Variants in CACNA2D1 observed in about 807,000 individuals in gnomAD.
CACNA2D1 encodes calcium voltage-gated channel auxiliary subunit alpha2delta 1.
A neutral mutation model predicts 171.5 loss-of-function variants in CACNA2D1; 53 were observed. The ratio of observed to expected loss-of-function variants is 0.31; its 90% CI spans 0.25 to 0.39. The LOEUF is 0.39. Among genes scored for constraint, CACNA2D1 ranks in the 10% least tolerant of loss-of-function variants. The pLI is 1.00. For synonymous variants in CACNA2D1, 442 were observed against 443.1 expected, an observed-to-expected ratio of 1.00 and a Z score of 0.03; for missense variants, 903 against 1,299.8, an observed-to-expected ratio of 0.69 and a Z score of 4.69.
At chr7:82,411,895 T>TCTCACACACACACA (rs1554548045) in intron 1 of CACNA2D1, among the ~76,000 whole-genome samples, 93 of 144,880 alleles carry the variant, frequency 6.4e-4, no homozygotes, top group East Asian at 4.5e-3. Flanking sequence ...AAACTAAATC[T>TCTCACACACACACA]CACACACACA....
chr7:82,379,971 T>C (rs1243317459), intron 1 of CACNA2D1, among the ~76,000 whole-genome samples: 1 of 152,168 alleles, frequency 6.6e-6, no homozygotes, highest in African/African-American at 2.4e-5. Context: ...TTAGGCAATA[T>C]TTTTTACTCC....
chr7:81,970,118 G>A, intron 27 of CACNA2D1, 134 bp from the exon 28 acceptor site: 1 of 685,834 alleles, frequency 1.5e-6, no homozygotes, highest in Non-Finnish European at 2.7e-6. Flanking sequence ...GTAATTGATA[G>A]CATAACTGAT....
At chr7:82,148,003 A>T (rs1242020750) in intron 4 of CACNA2D1, among the ~76,000 whole-genome samples, 5 of 152,156 alleles carry the variant, frequency 3.3e-5, no homozygotes, top group Admixed American at 3.3e-4. Context: ...CGCCCCAGTA[A>T]AGGCCTGACA....
chr7:82,312,556 C>T (rs1287944287), intron 3 of CACNA2D1, among the ~76,000 whole-genome samples: 1 of 146,986 alleles, frequency 6.8e-6, no homozygotes, highest in Non-Finnish European at 1.5e-5. Flanking sequence ...ACTCTGTCAC[C>T]TAGGCTGGAA....
chr7:82,192,758 T>G (rs1443473998), intron 3 of CACNA2D1, among the ~76,000 whole-genome samples: 3 of 151,296 alleles, frequency 2.0e-5, no homozygotes, highest in African/African-American at 7.3e-5. Context: ...CCTTTTTTTT[T>G]TTTTCCTGAA....
chr7:82,441,707 A>C (rs1830516515), intron 1 of CACNA2D1, among the ~76,000 whole-genome samples: 2 of 152,166 alleles, frequency 1.3e-5, no homozygotes, highest in African/African-American at 4.8e-5. Flanking sequence ...CCATGATAAA[A>C]ATATTGATAA....
At chr7:82,174,753 T>C (rs1215307503) in intron 3 of CACNA2D1, among the ~76,000 whole-genome samples, 1 of 152,138 alleles carries the variant, frequency 6.6e-6, no homozygotes, top group Non-Finnish European at 1.5e-5. Flanking sequence ...AATCATATTT[T>C]AGTTGGGAAC....
chr7:82,302,286 A>G (rs1813111955), intron 3 of CACNA2D1, among the ~76,000 whole-genome samples: 1 of 152,188 alleles, frequency 6.6e-6, no homozygotes, highest in South Asian at 2.1e-4. Flanking sequence ...GGTAACCCCT[A>G]ATGTAGGCAA....
chr7:82,226,146 A>G (rs1802339646), intron 3 of CACNA2D1, among the ~76,000 whole-genome samples: 2 of 152,198 alleles, frequency 1.3e-5, no homozygotes, highest in South Asian at 2.1e-4. Flanking sequence ...GCACAGGTGA[A>G]TAACCATCTT....
chr7:82,381,910 G>T (rs1197508140), intron 1 of CACNA2D1, among the ~76,000 whole-genome samples: 1 of 151,704 alleles, frequency 6.6e-6, no homozygotes, highest in African/African-American at 2.4e-5. Flanking sequence ...CTTTTGTACA[G>T]ATTTTATTTC....
intron 3 of CACNA2D1, among the ~76,000 whole-genome samples, chr7:82,327,816 C>T (rs961493299): frequency 2.0e-5 from 3 of 152,304 alleles, no homozygotes; most frequent in South Asian, 4.1e-4. Context: ...CGATGTTCAA[C>T]ACTGACTTGT....
At chr7:82,434,719 T>C (rs904832222) in intron 1 of CACNA2D1, among the ~76,000 whole-genome samples, 3 of 152,196 alleles carry the variant, frequency 2.0e-5, no homozygotes, top group East Asian at 1.9e-4. Context: ...ACCGAATTCC[T>C]GGAAGAAACA....
intron 3 of CACNA2D1, among the ~76,000 whole-genome samples, chr7:82,322,614 G>A (rs1213937501): frequency 6.6e-6 from 1 of 151,956 alleles, no homozygotes; most frequent in African/African-American, 2.4e-5. Context: ...ATGATACCCT[G>A]TCTCAAAAAA....
chr7:82,014,930 C>T (rs767605331), intron 12 of CACNA2D1, among the ~76,000 whole-genome samples: 28 of 152,070 alleles, frequency 1.8e-4, no homozygotes, highest in Non-Finnish European at 4.0e-4. Context: ...TGGTGGGTGC[C>T]TGTAATCCCA....
Position 82,066,599 on chromosome 7 carries a change from T to C in CACNA2D1, c.659-75A>G, listed in dbSNP as rs1423315474. On this transcript the variant is annotated intron_variant, in intron 7 of 38. Coordinates refer to ENST00000356860, the MANE Select transcript of CACNA2D1 (RefSeq NM_000722.4). ...TCTAAAAATAATGAGACTTTAAAAA[T>C]CACAAAAAGCAATAGATACATAATT... 108 of 1,510,696 alleles carry C rather than the reference T, an allele frequency of 7.1e-5. No individual in the cohort carries two copies. The East Asian group carries it at 2.5e-3, about 35-fold the overall frequency. The allele number at this position is 1,510,696 out of a possible 1,614,324, so 93.6% of individuals were successfully genotyped here. A position where few individuals can be genotyped will look rare whatever the true frequency, so the allele number is the denominator to read the frequency against.
At chr7:82,200,647 A>G (rs1207436655) in intron 3 of CACNA2D1, among the ~76,000 whole-genome samples, 3 of 151,972 alleles carry the variant, frequency 2.0e-5, no homozygotes, top group Admixed American at 6.6e-5. Flanking sequence ...TGATCCTTCA[A>G]TATTTTACTC....
chr7:82,355,871 T>C (rs10282387), intron 1 of CACNA2D1, among the ~76,000 whole-genome samples: 133,301 of 151,902 alleles, frequency 0.88, 58,754 homozygotes, highest in African/African-American at 0.97. Context: ...TCCAGTTCTA[T>C]CTTAACTACC....
At chr7:82,289,040 A>G (rs754413659) in intron 3 of CACNA2D1, among the ~76,000 whole-genome samples, 1 of 152,226 alleles carries the variant, frequency 6.6e-6, no homozygotes, top group Non-Finnish European at 1.5e-5. Flanking sequence ...CATAGTGCAA[A>G]TATTTAGTTC....
chr7:82,117,181 G>T lies in CACNA2D1; in HGVS notation c.397-8C>A, dbSNP rs1331442283. 1 of 1,612,926 alleles carries T rather than the reference G, an allele frequency of 6.2e-7. No individual in the cohort carries two copies. Among genetic ancestry groups the T allele is most frequent in the African/African-American group, 1.3e-5 (1 of 74,842 alleles). On this transcript the variant is annotated splice_polypyrimidine_tract_variant and splice_region_variant and intron_variant, in intron 5 of 38. Coordinates refer to ENST00000356860, the MANE Select transcript of CACNA2D1 (RefSeq NM_000722.4). ...ACTGTCATTTTTCTCAGGCTATATA[G>T]AAAAAGAATAAACAGAATATTACAA...
Sources: gnomAD v4.1 joint callset for allele counts (sites outside exome capture counted in the v4.1 genomes callset) on GRCh38, gnomAD v4.1.1 for gene constraint, MANE v1.5 for transcripts, NCBI Gene and HGNC (gene_info 2026-07-23, HGNC 2026-07-21) for gene names.